PACRG: variants seen among roughly 807,000 people sequenced by gnomAD.
PACRG encodes parkin coregulated gene protein.
Under a neutral mutation model 29.7 loss-of-function variants are expected in PACRG, and 29 were observed. The observed-to-expected ratio is 0.98, with a 90% CI of 0.73 to 1.33. The LOEUF is 1.33. PACRG is among the 40% of genes most tolerant of loss of function. The probability of loss-of-function intolerance (pLI) is 0.00; values close to 1 mark genes in which losing one functional copy is unlikely to be tolerated. For missense variants in PACRG, 279 were observed against 316.2 expected, an observed-to-expected ratio of 0.88 and a Z score of 0.89; for synonymous variants, 116 against 118.7, an observed-to-expected ratio of 0.98 and a Z score of 0.15.
At chr6:162,996,067 C>G (rs1354915311) in intron 2 of PACRG, among the ~76,000 whole-genome samples, 2 of 151,984 alleles carry the variant, frequency 1.3e-5, no homozygotes, top group African/African-American at 2.4e-5. Context: ...ATGGTAGTTA[C>G]AATACTTCAT....
In PACRG at chr6:162,837,407, A is replaced by G. The variant is rs571485493; in HGVS notation, c.291+23126A>G. On this transcript the variant is annotated intron_variant, in intron 2 of 4. Transcript: ENST00000366888. ...AATGATAAGGAGTTGGAGTGGAAAG[A>G]TGGTGGAAGAGGAGATAGAATTGGC... is the stretch of plus-strand genomic sequence containing the variant. 2.5e-4 allele frequency among the ~76,000 whole-genome samples: 38 copies of G among 152,272 alleles called. 1 individual carries two copies. In the South Asian group the frequency reaches 5.2e-3, roughly 21 times the overall value.
chr6:163,296,585 T>A (rs1031462111), intron 4 of PACRG, among the ~76,000 whole-genome samples: 12 of 152,226 alleles, frequency 7.9e-5, no homozygotes, highest in African/African-American at 2.9e-4. Flanking sequence ...CGTGAGCCAC[T>A]GCGCCCAGCC....
chr6:162,940,320 G>A (rs1798527570), intron 2 of PACRG, among the ~76,000 whole-genome samples: 1 of 151,922 alleles, frequency 6.6e-6, no homozygotes, highest in African/African-American at 2.4e-5. Context: ...TTGGCTCTCT[G>A]ACTTCTATTT....
intron 2 of PACRG, among the ~76,000 whole-genome samples, chr6:162,910,781 G>T (rs1796248144): frequency 6.6e-6 from 1 of 152,164 alleles, no homozygotes; most frequent in Middle Eastern, 3.2e-3. Context: ...CTCTAAGAGG[G>T]CAACATGGAA....
chr6:162,838,448 C>T (rs112319648), intron 2 of PACRG, among the ~76,000 whole-genome samples: 21 of 152,188 alleles, frequency 1.4e-4, no homozygotes, highest in African/African-American at 4.6e-4. Flanking sequence ...TTTTGTTGAT[C>T]GGAAATCAGC....
At chr6:162,942,663 G>A (rs1798716463) in intron 2 of PACRG, among the ~76,000 whole-genome samples, 1 of 152,096 alleles carries the variant, frequency 6.6e-6, no homozygotes, top group African/African-American at 2.4e-5. Context: ...AAGCCCATAT[G>A]TTATAATGAT....
chr6:162,995,450 G>A (rs528491735), intron 2 of PACRG, among the ~76,000 whole-genome samples: 172 of 152,280 alleles, frequency 1.1e-3, no homozygotes, highest in Admixed American at 2.9e-3. Flanking sequence ...GTGGTGCGCC[G>A]TTTTTTAAGC....
chr6:163,078,945 T>C (rs1360537455), intron 3 of PACRG, among the ~76,000 whole-genome samples: 2 of 151,836 alleles, frequency 1.3e-5, no homozygotes, highest in Non-Finnish European at 2.9e-5. Context: ...CCAGGTTGGC[T>C]GTACACCAGT....
intron 1 of PACRG, among the ~76,000 whole-genome samples, chr6:162,800,067 G>A (rs1370018204): frequency 1.3e-5 from 2 of 152,128 alleles, no homozygotes; most frequent in Non-Finnish European, 2.9e-5. Context: ...CCTTTTATCA[G>A]TTCTACAAGA....
intron 2 of PACRG, among the ~76,000 whole-genome samples, chr6:162,967,096 T>A (rs1801102330): frequency 6.9e-6 from 1 of 144,750 alleles, no homozygotes; most frequent in Admixed American, 6.7e-5. Context: ...ATACTAAGTG[T>A]TTTAAACTGA....
intron 2 of PACRG, among the ~76,000 whole-genome samples, chr6:162,830,860 C>T (rs1455337204): frequency 6.6e-6 from 1 of 152,182 alleles, no homozygotes; most frequent in Non-Finnish European, 1.5e-5. Flanking sequence ...CTGGAACCTT[C>T]TTACTTTTCT....
chr6:163,101,377 G>A, intron 4 of PACRG: 1 of 978,652 alleles, frequency 1.0e-6, no homozygotes, highest in Non-Finnish European at 1.2e-6. Flanking sequence ...GTTTTGAGGA[G>A]TTCATAGTTT....
In PACRG at chr6:163,055,309, CAT is replaced by C. The variant is rs571983571; in HGVS notation, c.292-6840_292-6839del. Among the ~76,000 whole-genome samples, 41 of 152,110 alleles carry C rather than the reference CAT, an allele frequency of 2.7e-4. No homozygotes were observed. In the South Asian group the frequency reaches 8.5e-3, roughly 32 times the overall value. ...GTCAGATATATTATTAAGACACACA[CAT>C]GCACACATATCCAGGTGTGCACACA... On this transcript the variant is annotated intron_variant, in intron 2 of 4. Transcript: ENST00000366888. The surrounding 1 kb of genome is among the most constrained non-coding windows in gnomAD (Gnocchi z 4.0).
At chr6:162,903,640 TG>T (rs1795726815) in intron 2 of PACRG, among the ~76,000 whole-genome samples, 1 of 152,198 alleles carries the variant, frequency 6.6e-6, no homozygotes, top group South Asian at 2.1e-4. Flanking sequence ...TATCTCCCAC[TG>T]GGTCCCTCCC....
intron 2 of PACRG, chr6:162,997,535 C>G (rs1804181715): frequency 3.6e-5 from 15 of 417,578 alleles, no homozygotes; most frequent in South Asian, 2.6e-4. Context: ...TGGAAAAATT[C>G]AATGTCAAGG....
At chr6:163,278,669 C>T (rs1347191238) in intron 4 of PACRG, among the ~76,000 whole-genome samples, 2 of 152,076 alleles carry the variant, frequency 1.3e-5, no homozygotes, top group Non-Finnish European at 2.9e-5. Context: ...TTTCTGGGTT[C>T]TCTATTCTGT....
intron 2 of PACRG, among the ~76,000 whole-genome samples, chr6:163,017,054 G>A (rs1024898421): frequency 6.6e-6 from 1 of 152,072 alleles, no homozygotes; most frequent in Non-Finnish European, 1.5e-5. Context: ...CACTCATGAA[G>A]GAGAGCTGTG....
At chr6:163,139,939 G>A (rs115813943) in intron 4 of PACRG, among the ~76,000 whole-genome samples, 1,586 of 152,232 alleles carry the variant, frequency 0.01, 26 homozygotes, top group African/African-American at 0.037. Context: ...GCTCCTGCCT[G>A]TGAAAGTTGA....
chr6:162,888,103 G>A (rs997847971), intron 2 of PACRG, among the ~76,000 whole-genome samples: 2 of 151,930 alleles, frequency 1.3e-5, no homozygotes, highest in Non-Finnish European at 2.9e-5. Context: ...TGGGCTGCGG[G>A]GTCTCGTCCT....
Sources: allele counts gnomAD v4.1 joint callset (sites outside exome capture counted in the v4.1 genomes callset), GRCh38; gene constraint gnomAD v4.1.1; non-coding constraint Gnocchi (gnomAD v3.1); transcripts MANE v1.5; gene names NCBI Gene and HGNC (gene_info 2026-07-23, HGNC 2026-07-21).